FBN1: variants seen among roughly 807,000 people sequenced by gnomAD.
FBN1 encodes the protein fibrillin-1.
A neutral mutation model predicts 365.1 loss-of-function variants in FBN1; 29 were observed. That is an observed-to-expected ratio of 0.08 (90% CI 0.06 to 0.11). FBN1 has a LOEUF of 0.11. Ranked by LOEUF, FBN1 falls within the 10% of genes least tolerant of loss-of-function variation. The pLI, the probability that FBN1 is intolerant of heterozygous loss-of-function variation, is 1.00. For missense variants in FBN1, 2,476 were observed against 3,703.2 expected (o/e 0.67, Z 8.60); for synonymous variants, 1,210 against 1,270.5 (o/e 0.95, Z 1.01).
intron 2 of FBN1, 69 bp from the exon 3 acceptor site, chr15:48,613,161 G>T: frequency 1.6e-6 from 2 of 1,233,896 alleles, no homozygotes; most frequent in Non-Finnish European, 2.4e-6. Context: ...CCAAATAAAA[G>T]GAAAAAAAAT....
At chr15:48,483,381 C>G (rs892668447) in intron 31 of FBN1, among the ~76,000 whole-genome samples, 1 of 152,046 alleles carries the variant, frequency 6.6e-6, no homozygotes, top group African/African-American at 2.4e-5. Flanking sequence ...GATTAGAGAT[C>G]GTAGAAGAAA....
chr15:48,487,517 C>T, intron 27 of FBN1, 80 bp from the exon 28 acceptor site: 8 of 1,573,344 alleles, frequency 5.1e-6, no homozygotes, highest in African/African-American at 1.3e-5. Context: ...CCACCCATTG[C>T]TGGGTGTCCA....
intron 2 of FBN1, among the ~76,000 whole-genome samples, chr15:48,629,408 G>A (rs969564482): frequency 1.3e-5 from 2 of 152,066 alleles, no homozygotes; most frequent in Non-Finnish European, 2.9e-5. Flanking sequence ...TCAACCAATT[G>A]CAAAATATGG....
chr15:48,510,314 CA>C, intron 13 of FBN1, 145 bp from the exon 14 acceptor site: 1 of 776,120 alleles, frequency 1.3e-6, no homozygotes, highest in Non-Finnish European at 2.1e-6. Flanking sequence ...AATTGGTTAT[CA>C]AATAATGTGA....
chr15:48,415,558 C>T lies in FBN1; in HGVS notation c.8029G>A (p.Gly2677Ser), dbSNP rs1566889839. 12 of 1,613,964 alleles carry T rather than the reference C, an allele frequency of 7.4e-6. No homozygotes were observed. Among genetic ancestry groups the T allele is most frequent in the South Asian group, 1.1e-5 (1 of 91,074 alleles). The change falls in exon 64 of 66, where the codon GGT becomes AGT. Residue 2677 changes from glycine to serine, a missense_variant. Gly to Ser is a moderately conservative substitution (Grantham distance 56). Transcript: ENST00000316623. ...EGGYLCGCPPGYFRIGQGHCV... is the reference protein window; with the variant it reads ...EGGYLCGCPPSYFRIGQGHCV... ...TACCCTTGGCCTATGCGGAAGTAACCAGGTGGACAGCCACACAGGTAACCG... is the reference window on the plus strand; with the variant it reads ...TACCCTTGGCCTATGCGGAAGTAACTAGGTGGACAGCCACACAGGTAACCG...
At chr15:48,619,682 A>G (rs1010198282) in intron 2 of FBN1, among the ~76,000 whole-genome samples, 3 of 152,150 alleles carry the variant, frequency 2.0e-5, no homozygotes, top group Non-Finnish European at 2.9e-5. Flanking sequence ...CTTGCCCACA[A>G]GCACAAAGCT....
chr15:48,445,154 A>AC (rs2043144954), intron 48 of FBN1, among the ~76,000 whole-genome samples: 1 of 108,622 alleles, frequency 9.2e-6, no homozygotes, highest in Non-Finnish European at 1.9e-5. Flanking sequence ...ACATATATAT[A>AC]TACATATATA....
Position 48,640,381 on chromosome 15 carries a change from C to T in FBN1, c.164+4225G>A, listed in dbSNP as rs1413906101. On this transcript the variant is annotated intron_variant, in intron 2 of 65. Coordinates refer to ENST00000316623, the MANE Select transcript of FBN1 (RefSeq NM_000138.5). ...TCTTTTCAATAAATGTAAACCATAC[C>T]CCTGCAGGAGTCTTTCCCCATATTT... Among the ~76,000 whole-genome samples the T allele has an allele frequency of 2.6e-5, 4 of 152,078 alleles. No individual in the cohort carries two copies. In the East Asian group the frequency reaches 7.7e-4, roughly 29 times the overall value.
At chr15:48,452,247 T>TTG (rs931788466) in intron 45 of FBN1, among the ~76,000 whole-genome samples, 4 of 151,914 alleles carry the variant, frequency 2.6e-5, no homozygotes, top group Admixed American at 6.6e-5. Flanking sequence ...GTATGCATAA[T>TTG]TGTGTGTGTG....
chr15:48,562,202 T>C (rs528320736), intron 6 of FBN1, among the ~76,000 whole-genome samples: 1 of 152,212 alleles, frequency 6.6e-6, no homozygotes, highest in South Asian at 2.1e-4. Context: ...AAAGCAGAGA[T>C]TGGGCCAGAA....
intron 4 of FBN1, among the ~76,000 whole-genome samples, chr15:48,603,963 T>G (rs947863096): frequency 6.6e-6 from 1 of 152,222 alleles, no homozygotes; most frequent in African/African-American, 2.4e-5. Context: ...AAATTAATTT[T>G]GTGTTCATAT....
intron 63 of FBN1, among the ~76,000 whole-genome samples, chr15:48,419,898 G>C (rs1056635509): frequency 6.6e-6 from 1 of 152,190 alleles, no homozygotes; most frequent in African/African-American, 2.4e-5. Context: ...CACTTGAAAG[G>C]CAGCTCTACA....
chr15:48,560,030 C>A (rs1363511955), intron 6 of FBN1, among the ~76,000 whole-genome samples: 4 of 152,152 alleles, frequency 2.6e-5, no homozygotes, highest in Admixed American at 2.6e-4. Context: ...AGGCAGAATT[C>A]ATGGGCCTCC....
At chr15:48,619,499 T>C (rs900715489) in intron 2 of FBN1, among the ~76,000 whole-genome samples, 2 of 152,006 alleles carry the variant, frequency 1.3e-5, no homozygotes, top group Non-Finnish European at 2.9e-5. Flanking sequence ...CTATCTGCCT[T>C]TCTTCCACTC....
At chr15:48,543,577 A>C (rs1401929183) in intron 6 of FBN1, among the ~76,000 whole-genome samples, 1 of 152,242 alleles carries the variant, frequency 6.6e-6, no homozygotes, top group African/African-American at 2.4e-5. Flanking sequence ...GGATAGAGGA[A>C]CAAGGTAAAT....
intron 15 of FBN1, among the ~76,000 whole-genome samples, chr15:48,507,235 CTCTT>C (rs774417874): frequency 7.2e-5 from 11 of 152,262 alleles, no homozygotes; most frequent in South Asian, 2.1e-4. Context: ...GCTTTCATAT[CTCTT>C]TCTATTATTT....
At chr15:48,515,345 T>C in intron 12 of FBN1, 42 bp downstream of exon 12, 1 of 1,612,468 alleles carries the variant, frequency 6.2e-7, no homozygotes, top group Non-Finnish European at 8.5e-7. Flanking sequence ...AGGAACAGAA[T>C]TACAACAGAC....
chr15:48,525,966 C>T (rs146576395), intron 9 of FBN1, among the ~76,000 whole-genome samples, 164 bp downstream of exon 9: 20 of 152,278 alleles, frequency 1.3e-4, no homozygotes, highest in Non-Finnish European at 2.1e-4. Flanking sequence ...CACAAGGTGC[C>T]TCTGTTCTTT....
chr15:48,595,168 G>A (rs1281963873), intron 6 of FBN1, among the ~76,000 whole-genome samples: 1 of 152,110 alleles, frequency 6.6e-6, no homozygotes, highest in Non-Finnish European at 1.5e-5. Context: ...AGGTATTACT[G>A]CATTATTAGC....
Sources: gnomAD v4.1 joint callset for allele counts (sites outside exome capture counted in the v4.1 genomes callset) on GRCh38, gnomAD v4.1.1 for gene constraint, MANE v1.5 for transcripts, NCBI Gene and HGNC (gene_info 2026-07-23, HGNC 2026-07-21) for gene names.